The following RSBN1 variants were observed in gnomAD, a reference collection of about 807,000 sequenced individuals.
RSBN1 encodes the protein lysine-specific demethylase 9.
In RSBN1, 23 loss-of-function variants were observed where a neutral mutation model predicts 74.8. The ratio of observed to expected loss-of-function variants is 0.31; its 90% CI spans 0.22 to 0.44. The LOEUF is 0.44. Among genes scored for constraint, RSBN1 ranks in the 20% least tolerant of loss-of-function variants. The pLI is 1.00. For synonymous variants in RSBN1, 407 were observed against 379.6 expected (o/e 1.07, Z -0.84); for missense variants, 808 against 1,020.9 (o/e 0.79, Z 2.84).
At chr1:113,797,216 A>G (rs1660489631) in intron 2 of RSBN1, 147 bp downstream of exon 2, 2 of 675,758 alleles carry the variant, frequency 3.0e-6, no homozygotes, top group Admixed American at 6.1e-5. Flanking sequence ...AAGATTTTTC[A>G]ATTAGAGGAA....
intron 2 of RSBN1, among the ~76,000 whole-genome samples, chr1:113,786,036 T>C (rs1557999069): frequency 6.6e-6 from 1 of 152,206 alleles, no homozygotes; most frequent in Non-Finnish European, 1.5e-5. Context: ...GAGTATTCTA[T>C]AATATGCCAA....
intron 2 of RSBN1, among the ~76,000 whole-genome samples, chr1:113,790,157 G>A (rs909099625): frequency 2.0e-5 from 3 of 152,080 alleles, no homozygotes; most frequent in Non-Finnish European, 4.4e-5. Flanking sequence ...TTTTAGTTAC[G>A]TGGGGAGTGG....
rs542836782 is a variant in RSBN1 at position 113,806,421 on chromosome 1, T to C, written c.703+5289A>G. 9.2e-5 allele frequency among the ~76,000 whole-genome samples: 14 copies of C among 152,060 alleles called. No homozygotes were observed. In the South Asian group the frequency reaches 2.9e-3, roughly 32 times the overall value. ...GCAATTCAATGGAAGATTAATCTTT[T>C]CAACAAAAGGTGCTAGAGCAACTGG... On this transcript the variant is annotated intron_variant, in intron 1 of 6. Coordinates refer to ENST00000261441, the MANE Select transcript of RSBN1 (RefSeq NM_018364.5).
chr1:113,769,216 G>T (rs1659841144), intron 4 of RSBN1, among the ~76,000 whole-genome samples: 1 of 152,068 alleles, frequency 6.6e-6, no homozygotes, highest in Admixed American at 6.6e-5. Flanking sequence ...AAACTCCTCA[G>T]GGAGACAGAT....
chr1:113,771,370 C>T (rs1659881985), intron 4 of RSBN1, among the ~76,000 whole-genome samples: 2 of 151,954 alleles, frequency 1.3e-5, no homozygotes, highest in Admixed American at 1.3e-4. Flanking sequence ...TGTGTTTAAG[C>T]AAGAGAAGGA....
At chr1:113,810,618 A>G (rs928115612) in intron 1 of RSBN1, among the ~76,000 whole-genome samples, 6 of 152,178 alleles carry the variant, frequency 3.9e-5, no homozygotes, top group African/African-American at 1.4e-4. Context: ...ATTCGGAAAT[A>G]GCACCACCAA....
intron 2 of RSBN1, among the ~76,000 whole-genome samples, chr1:113,794,986 T>G (rs1266281682): frequency 6.6e-6 from 1 of 152,250 alleles, no homozygotes; most frequent in African/African-American, 2.4e-5. Flanking sequence ...TTATTTGACT[T>G]TATTTCTAGG....
intron 2 of RSBN1, among the ~76,000 whole-genome samples, chr1:113,789,081 C>T (rs1660314364): frequency 6.6e-6 from 1 of 152,046 alleles, no homozygotes; most frequent in African/African-American, 2.4e-5. Flanking sequence ...TTTTTGTATG[C>T]TAATATTGAC....
intron 1 of RSBN1, among the ~76,000 whole-genome samples, chr1:113,799,969 TAA>T (rs926410100): frequency 4.6e-5 from 7 of 152,150 alleles, no homozygotes; most frequent in Non-Finnish European, 7.4e-5. Context: ...AATTTGGAGT[TAA>T]GACAAATATT....
intron 2 of RSBN1, among the ~76,000 whole-genome samples, chr1:113,795,482 G>A (rs1203348391): frequency 3.3e-5 from 5 of 151,994 alleles, no homozygotes; most frequent in South Asian, 2.1e-4. Flanking sequence ...AAGTTTAGTC[G>A]GCTAATCCAA....
At chr1:113,791,347 A>T (rs1365091643) in intron 2 of RSBN1, among the ~76,000 whole-genome samples, 1 of 152,242 alleles carries the variant, frequency 6.6e-6, no homozygotes, top group Non-Finnish European at 1.5e-5. Context: ...TGTTTAAATT[A>T]GAAACTCAAC....
intron 1 of RSBN1, among the ~76,000 whole-genome samples, chr1:113,798,319 A>C (rs979438333): frequency 1.3e-5 from 2 of 152,198 alleles, no homozygotes; most frequent in African/African-American, 4.8e-5. Context: ...GAGAATGGTT[A>C]AATAAATCAT....
At chr1:113,788,092 G>GAGAACA (rs1430910253) in intron 2 of RSBN1, among the ~76,000 whole-genome samples, 2 of 152,100 alleles carry the variant, frequency 1.3e-5, no homozygotes, top group African/African-American at 4.8e-5. Context: ...AAAAGGGACA[G>GAGAACA]AGAACAAGAA....
In RSBN1 at chr1:113,798,512, C is replaced by T. The variant is rs184981672; in HGVS notation, c.704-476G>A. ...GGTAAATCAACAAAGGCAAAGTAAG[C>T]CATGAGATATCATTTTTTCCTATCA... On this transcript the variant is annotated intron_variant, in intron 1 of 6. Coordinates refer to ENST00000261441, the MANE Select transcript of RSBN1 (RefSeq NM_018364.5). Among the ~76,000 whole-genome samples the T allele has an allele frequency of 1.2e-3, 180 of 152,160 alleles. 3 individuals are homozygous for T. The highest frequency in any genetic ancestry group is 4.0e-3 in the African/African-American group (167 of 41,514).
intron 2 of RSBN1, among the ~76,000 whole-genome samples, chr1:113,785,105 A>C (rs1415471058): frequency 6.6e-6 from 1 of 151,460 alleles, no homozygotes; most frequent in Non-Finnish European, 1.5e-5. Context: ...TTATTCTGTA[A>C]GGTATTTTCT....
chr1:113,790,866 C>T (rs1345963990), intron 2 of RSBN1, among the ~76,000 whole-genome samples: 2 of 152,152 alleles, frequency 1.3e-5, no homozygotes, highest in Admixed American at 1.3e-4. Context: ...TGCCTCACTC[C>T]AGACCTCATG....
At chr1:113,774,451 G>T (rs1211220464) in intron 4 of RSBN1, among the ~76,000 whole-genome samples, 1 of 151,938 alleles carries the variant, frequency 6.6e-6, no homozygotes, top group Non-Finnish European at 1.5e-5. Flanking sequence ...GAGGCGGGTG[G>T]ATCACGAGGT....
chr1:113,767,978 A>C, intron 5 of RSBN1: 2 of 324,384 alleles, frequency 6.2e-6, no homozygotes, highest in Non-Finnish European at 1.1e-5. Flanking sequence ...TGAGAGTAAA[A>C]GAGGAATTGT....
intron 2 of RSBN1, among the ~76,000 whole-genome samples, chr1:113,794,591 T>C (rs890390772): frequency 1.3e-5 from 2 of 152,302 alleles, no homozygotes; most frequent in South Asian, 2.1e-4. Flanking sequence ...TAGGCTGTTA[T>C]TCGCTTAAAA....
Sources: gnomAD v4.1 joint callset for allele counts (sites outside exome capture counted in the v4.1 genomes callset) on GRCh38, gnomAD v4.1.1 for gene constraint, MANE v1.5 for transcripts, NCBI Gene and HGNC (gene_info 2026-07-23, HGNC 2026-07-21) for gene names.